ATL2: variants seen among roughly 807,000 people sequenced by gnomAD.
ATL2 encodes the protein atlastin GTPase 2, also known as atlastin-2.
ATL2 carries 31 observed loss-of-function variants against 73.9 expected under a neutral mutation model. The ratio of observed to expected loss-of-function variants is 0.42; its 90% CI spans 0.32 to 0.57. The LOEUF is 0.57. ATL2 is among the 20% of genes least tolerant of loss of function. The pLI, the probability that ATL2 is intolerant of heterozygous loss-of-function variation, is 0.14. For missense variants in ATL2, 738 were observed against 702.6 expected, an observed-to-expected ratio of 1.05 and a Z score of -0.57; for synonymous variants, 291 against 237.5, an observed-to-expected ratio of 1.23 and a Z score of -2.07.
chr2:38,338,383 G>T (rs1669497847), intron 2 of ATL2, among the ~76,000 whole-genome samples: 1 of 152,048 alleles, frequency 6.6e-6, no homozygotes, highest in African/African-American at 2.4e-5. Flanking sequence ...AAGATCAATT[G>T]TACCCCAAAC....
chr2:38,317,454 T>C (rs1668085470), intron 4 of ATL2, among the ~76,000 whole-genome samples: 2 of 152,080 alleles, frequency 1.3e-5, no homozygotes, highest in Admixed American at 1.3e-4. Flanking sequence ...CTGAAGAAAC[T>C]AGAACCGGAT....
At chr2:38,304,094 T>C (rs1326395813) in intron 9 of ATL2, among the ~76,000 whole-genome samples, 2 of 152,086 alleles carry the variant, frequency 1.3e-5, no homozygotes, top group African/African-American at 4.8e-5. Context: ...CAAGGCCCCA[T>C]TTCTATTAAA....
chr2:38,376,273 G>T, intron 1 of ATL2: 1 of 1,375,188 alleles, frequency 7.3e-7, no homozygotes, highest in Non-Finnish European at 9.5e-7. Flanking sequence ...ATGAGTGAGA[G>T]GGATACACTG....
At chr2:38,305,384 C>A (rs577668749) in intron 9 of ATL2, among the ~76,000 whole-genome samples, 1 of 152,070 alleles carries the variant, frequency 6.6e-6, no homozygotes, top group Non-Finnish European at 1.5e-5. Flanking sequence ...CCCATCTCTA[C>A]TAAAAATACA....
chr2:38,350,978 T>C (rs1231435569), intron 1 of ATL2, among the ~76,000 whole-genome samples: 2 of 152,188 alleles, frequency 1.3e-5, no homozygotes, highest in East Asian at 1.9e-4. Flanking sequence ...TAATAAAATG[T>C]AGCATTAATG....
chr2:38,348,397 C>T (rs1007361111), intron 1 of ATL2, among the ~76,000 whole-genome samples: 9 of 151,378 alleles, frequency 5.9e-5, no homozygotes, highest in South Asian at 2.1e-4. Context: ...ACCCAGGAAA[C>T]GGAGGTTGCG....
At chr2:38,357,404 C>G (rs1427320303) in intron 1 of ATL2, among the ~76,000 whole-genome samples, 1 of 151,108 alleles carries the variant, frequency 6.6e-6, no homozygotes, top group Non-Finnish European at 1.5e-5. Context: ...TTACTTCCTA[C>G]AGAACCCTCA....
chr2:38,307,047 C>T (rs1355028153), intron 9 of ATL2, among the ~76,000 whole-genome samples: 1 of 152,090 alleles, frequency 6.6e-6, no homozygotes, highest in Non-Finnish European at 1.5e-5. Context: ...AAGACCCAAA[C>T]TATGAAACTA....
chr2:38,314,347 T>C (rs537838222), intron 6 of ATL2, among the ~76,000 whole-genome samples: 2 of 152,332 alleles, frequency 1.3e-5, no homozygotes, highest in East Asian at 1.9e-4. Context: ...AAGTTTAGAA[T>C]AACATCTGTT....
At chr2:38,364,159 G>A (rs559961753) in intron 1 of ATL2, among the ~76,000 whole-genome samples, 11 of 152,298 alleles carry the variant, frequency 7.2e-5, no homozygotes, top group Non-Finnish European at 1.2e-4. Flanking sequence ...CTACTCAGGA[G>A]GCTGAGGCAG....
chr2:38,336,373 A>T (rs1009327114), intron 2 of ATL2, among the ~76,000 whole-genome samples: 7 of 152,216 alleles, frequency 4.6e-5, no homozygotes, highest in Non-Finnish European at 1.0e-4. Flanking sequence ...CAGTTTTTTT[A>T]AAATGCCATT....
At chr2:38,354,015 A>G (rs1670511362) in intron 1 of ATL2, 1 of 278,650 alleles carries the variant, frequency 3.6e-6, no homozygotes, top group Admixed American at 5.3e-5. Flanking sequence ...CAACATGGTG[A>G]AACCCCGTCT....
chr2:38,365,168 TACA>T (rs1671246260), intron 1 of ATL2, among the ~76,000 whole-genome samples: 1 of 135,322 alleles, frequency 7.4e-6, no homozygotes, highest in Non-Finnish European at 1.6e-5. Context: ...CACACACAAA[TACA>T]CACACACACA....
At chr2:38,310,520 C>T in intron 7 of ATL2, 73 bp from the exon 8 acceptor site, 1 of 1,317,000 alleles carries the variant, frequency 7.6e-7, no homozygotes, top group Non-Finnish European at 1.0e-6. Flanking sequence ...TGCACACAGA[C>T]TCGCATGCAC....
intron 2 of ATL2, among the ~76,000 whole-genome samples, chr2:38,330,232 A>C (rs1379382451): frequency 6.6e-6 from 1 of 151,220 alleles, no homozygotes; most frequent in Admixed American, 6.6e-5. Context: ...AAAAAAAAAA[A>C]CTCCCAGCAC....
intron 1 of ATL2, chr2:38,354,121 G>A (rs1031889053): frequency 2.9e-5 from 12 of 413,536 alleles, no homozygotes; most frequent in African/African-American, 1.6e-4. Context: ...GAACCCGGGA[G>A]GTTGCAGTAA....
intron 2 of ATL2, among the ~76,000 whole-genome samples, chr2:38,320,359 TG>T (rs1198447606): frequency 1.3e-5 from 2 of 152,162 alleles, no homozygotes; most frequent in Non-Finnish European, 2.9e-5. Flanking sequence ...AGGATATGCC[TG>T]GCATTTGCTT....
intron 1 of ATL2, among the ~76,000 whole-genome samples, chr2:38,373,026 TG>T (rs59450966): frequency 0.12 from 18,238 of 152,180 alleles, 3,205 homozygotes; most frequent in African/African-American, 0.39. Context: ...TATGTTACTG[TG>T]CCTTAAGACA....
chr2:38,325,064 T>TA (rs1668521102), intron 2 of ATL2, among the ~76,000 whole-genome samples: 1 of 152,172 alleles, frequency 6.6e-6, no homozygotes, highest in East Asian at 1.9e-4. Flanking sequence ...ACCACAATTT[T>TA]AAAAAAAGTT....
Sources: allele counts gnomAD v4.1 joint callset (sites outside exome capture counted in the v4.1 genomes callset), GRCh38; gene constraint gnomAD v4.1.1; transcripts MANE v1.5; gene names NCBI Gene and HGNC (gene_info 2026-07-23, HGNC 2026-07-21).